NREP: variants seen among roughly 807,000 people sequenced by gnomAD.
NREP encodes the protein neuronal regeneration related protein, also known as neuronal regeneration-related protein.
A neutral mutation model predicts 8.6 loss-of-function variants in NREP; 5 were observed. The observed-to-expected ratio is 0.58, with a 90% CI of 0.30 to 1.22. NREP has a LOEUF of 1.22. Among genes scored for constraint, NREP ranks in the 50% most tolerant of loss-of-function variants. The pLI, the probability that NREP is intolerant of heterozygous loss-of-function variation, is 0.07. For synonymous variants in NREP, 27 were observed against 28.0 expected, an observed-to-expected ratio of 0.96 and a Z score of 0.11; for missense variants, 86 against 82.5, an observed-to-expected ratio of 1.04 and a Z score of -0.17.
intron 2 of NREP, among the ~76,000 whole-genome samples, chr5:111,891,758 A>G (rs1409554386): frequency 2.6e-5 from 4 of 152,272 alleles, no homozygotes; most frequent in African/African-American, 9.6e-5. Context: ...GAGAGGTGCC[A>G]CATTCTTTTA....
At chr5:111,755,860 C>T (rs975332121) in intron 1 of NREP, 30 bp from the exon 2 acceptor site, 1 of 1,611,564 alleles carries the variant, frequency 6.2e-7, no homozygotes, top group Non-Finnish European at 8.5e-7. Flanking sequence ...ACAGTAGACA[C>T]ATCGCCTCAC....
intron 2 of NREP, among the ~76,000 whole-genome samples, chr5:111,817,272 T>C (rs1752404406): frequency 6.6e-6 from 1 of 152,222 alleles, no homozygotes; most frequent in East Asian, 1.9e-4. Flanking sequence ...ATTAATTTTA[T>C]TGTGTTATTG....
intron 2 of NREP, among the ~76,000 whole-genome samples, chr5:111,917,793 C>A (rs542555419): frequency 3.3e-5 from 5 of 152,076 alleles, no homozygotes; most frequent in Non-Finnish European, 7.4e-5. Context: ...CTTTGAAAAC[C>A]GGCACAAGAC....
intron 2 of NREP, among the ~76,000 whole-genome samples, chr5:111,916,336 G>A (rs1279193085): frequency 6.6e-6 from 1 of 151,618 alleles, no homozygotes. Flanking sequence ...GGCCTCTGCT[G>A]AGCCCTCCAA....
At chr5:111,880,200 A>C (rs1754016438) in intron 2 of NREP, among the ~76,000 whole-genome samples, 1 of 152,108 alleles carries the variant, frequency 6.6e-6, no homozygotes, top group Admixed American at 6.6e-5. Flanking sequence ...TCATCTGTAA[A>C]ATGGGTACCT....
Position 111,892,579 on chromosome 5 carries a change from C to T in NREP, c.135+82695G>A, listed in dbSNP as rs186413343. Among the ~76,000 whole-genome samples the T allele has an allele frequency of 4.2e-3, 633 of 151,832 alleles. 3 individuals are homozygous for T. Among genetic ancestry groups the T allele is most frequent in the Non-Finnish European group, 6.8e-3 (460 of 67,924 alleles). On this transcript the variant is annotated intron_variant, in intron 2 of 3. Transcript: ENST00000395634. ...TTAGAAATAAAGGGACATTATGATA[C>T]ATTGAAAAAGTTTAACTTGTTCTAT...
At chr5:111,914,662 T>G (rs911175765) in intron 2 of NREP, among the ~76,000 whole-genome samples, 1 of 152,116 alleles carries the variant, frequency 6.6e-6, no homozygotes, top group Admixed American at 6.6e-5. Context: ...AGTGTACCCT[T>G]TCTGCAGAAA....
intron 2 of NREP, among the ~76,000 whole-genome samples, chr5:111,954,710 G>C (rs372934327): frequency 7.9e-5 from 12 of 152,292 alleles, no homozygotes; most frequent in Middle Eastern, 3.4e-3. Context: ...ATGTAAAATA[G>C]AGAGTGACAG....
intron 2 of NREP, among the ~76,000 whole-genome samples, chr5:111,949,393 A>T (rs1262669676): frequency 6.6e-6 from 1 of 152,032 alleles, no homozygotes; most frequent in Non-Finnish European, 1.5e-5. Context: ...ACAAAATTTT[A>T]TTTGGAAAAT....
intron 2 of NREP, chr5:111,755,419 G>A (rs1197467244): frequency 3.6e-6 from 1 of 276,632 alleles, no homozygotes; most frequent in Non-Finnish European, 7.1e-6. Flanking sequence ...AAGACCCAAG[G>A]CTTTGTTTGA....
intron 2 of NREP, among the ~76,000 whole-genome samples, chr5:111,789,536 G>A (rs182077007): frequency 4.3e-4 from 65 of 152,252 alleles, no homozygotes; most frequent in African/African-American, 1.5e-3. Flanking sequence ...TATTTTATCA[G>A]AGAAGCTTGG....
chr5:111,952,767 T>C (rs1298833017), intron 2 of NREP, among the ~76,000 whole-genome samples: 1 of 152,128 alleles, frequency 6.6e-6, no homozygotes, highest in Non-Finnish European at 1.5e-5. Context: ...AATCTCTTGA[T>C]TGTTATTGTC....
At chr5:111,813,992 T>C (rs944264632) in intron 2 of NREP, among the ~76,000 whole-genome samples, 2 of 152,062 alleles carry the variant, frequency 1.3e-5, no homozygotes, top group Non-Finnish European at 2.9e-5. Flanking sequence ...ATAATTTTCT[T>C]ATGAAAATTA....
chr5:111,812,796 C>T (rs1752299500), intron 2 of NREP, among the ~76,000 whole-genome samples: 1 of 152,066 alleles, frequency 6.6e-6, no homozygotes, highest in South Asian at 2.1e-4. Context: ...ATATATTCTA[C>T]TTATTGAATA....
At chr5:111,748,817 A>G (rs2112834548) in intron 2 of NREP, among the ~76,000 whole-genome samples, 1 of 152,340 alleles carries the variant, frequency 6.6e-6, no homozygotes, top group African/African-American at 2.4e-5. Flanking sequence ...TTGCTCAGTT[A>G]CTAAGTGGTC....
intron 2 of NREP, among the ~76,000 whole-genome samples, chr5:111,861,806 A>T (rs887060359): frequency 6.6e-6 from 1 of 152,174 alleles, no homozygotes; most frequent in African/African-American, 2.4e-5. Flanking sequence ...AAAATTCTAA[A>T]TATCCCACAA....
intron 2 of NREP, among the ~76,000 whole-genome samples, chr5:111,879,218 G>A (rs1753986590): frequency 6.6e-6 from 1 of 152,076 alleles, no homozygotes; most frequent in African/African-American, 2.4e-5. Flanking sequence ...AAGCTTGCTG[G>A]GGCCTCACCA....
intron 2 of NREP, among the ~76,000 whole-genome samples, chr5:111,828,784 A>C (rs542019517): frequency 6.6e-6 from 1 of 152,232 alleles, no homozygotes; most frequent in Non-Finnish European, 1.5e-5. Context: ...ATATTATTAC[A>C]TTCAACAAAT....
upstream of NREP, chr5:111,758,053 A>T (rs1581094615): frequency 1.0e-6 from 1 of 985,430 alleles, no homozygotes; most frequent in Non-Finnish European, 1.2e-6. Context: ...GGCGGCGCGG[A>T]GCCGCGCTCA....
Sources: gnomAD v4.1 joint callset for allele counts (sites outside exome capture counted in the v4.1 genomes callset) on GRCh38, gnomAD v4.1.1 for gene constraint, MANE v1.5 for transcripts, NCBI Gene and HGNC (gene_info 2026-07-23, HGNC 2026-07-21) for gene names.